Variants in OTUD7A observed in about 807,000 individuals in gnomAD.
OTUD7A encodes the protein OTU domain-containing protein 7A.
OTUD7A carries 12 observed loss-of-function variants against 65.7 expected under a neutral mutation model. That is an observed-to-expected ratio of 0.18 (90% CI 0.12 to 0.30). The LOEUF is 0.30. OTUD7A is among the 10% of genes least tolerant of loss of function. OTUD7A has a pLI of 1.00. For synonymous variants in OTUD7A, 641 were observed against 586.3 expected (o/e 1.09, Z -1.35); for missense variants, 1,148 against 1,304.8 (o/e 0.88, Z 1.85).
At chr15:31,761,828 A>C (rs141837924) in intron 1 of OTUD7A, among the ~76,000 whole-genome samples, 88 of 152,354 alleles carry the variant, frequency 5.8e-4, no homozygotes, top group Non-Finnish European at 1.2e-3. Flanking sequence ...ATCAGCAATG[A>C]AAAGGAAGGA....
intron 1 of OTUD7A, among the ~76,000 whole-genome samples, chr15:31,716,779 A>C (rs984280069): frequency 6.6e-6 from 1 of 151,028 alleles, no homozygotes; most frequent in Non-Finnish European, 1.5e-5. Flanking sequence ...GAATCTGTGC[A>C]TACGGACAAA....
intron 1 of OTUD7A, among the ~76,000 whole-genome samples, chr15:31,720,499 C>T (rs1353462558): frequency 6.6e-6 from 1 of 151,046 alleles, no homozygotes; most frequent in African/African-American, 2.4e-5. Flanking sequence ...CCCCGGGGTT[C>T]ACACCATTCT....
At chr15:31,697,529 A>C (rs1000286877) in intron 1 of OTUD7A, among the ~76,000 whole-genome samples, 17 of 146,526 alleles carry the variant, frequency 1.2e-4, no homozygotes, top group Non-Finnish European at 1.5e-5. Flanking sequence ...GGGCCACAGA[A>C]GACAAGGGTT....
intron 3 of OTUD7A, among the ~76,000 whole-genome samples, chr15:31,610,728 T>G (rs1315043531): frequency 6.9e-6 from 1 of 145,740 alleles, no homozygotes; most frequent in African/African-American, 2.6e-5. Context: ...TTCACGCCAT[T>G]CTCCTGCCTC....
chr15:31,586,142 A>G (rs1276478959), intron 3 of OTUD7A, among the ~76,000 whole-genome samples: 2 of 152,184 alleles, frequency 1.3e-5, no homozygotes, highest in Non-Finnish European at 2.9e-5. Flanking sequence ...GAGTGAATCC[A>G]TTTATCTGGT....
intron 1 of OTUD7A, among the ~76,000 whole-genome samples, chr15:31,720,743 A>G (rs1264178695): frequency 6.6e-6 from 1 of 151,366 alleles, no homozygotes; most frequent in African/African-American, 2.4e-5. Flanking sequence ...GCCTAAGGGC[A>G]CAGTGTTTCT....
chr15:31,489,665 A>G (rs2141068294), intron 10 of OTUD7A, among the ~76,000 whole-genome samples: 1 of 152,324 alleles, frequency 6.6e-6, no homozygotes, highest in Middle Eastern at 3.4e-3. Flanking sequence ...GCTGCCTGAC[A>G]ATTGAGAACA....
intron 1 of OTUD7A, among the ~76,000 whole-genome samples, chr15:31,702,827 A>C (rs1225283250): frequency 6.6e-6 from 1 of 151,208 alleles, no homozygotes; most frequent in Non-Finnish European, 1.5e-5. Flanking sequence ...AAGTGAGAAG[A>C]ATCAATCTAG....
chr15:31,570,246 G>T (rs761558091), intron 3 of OTUD7A, 49 bp from the exon 4 acceptor site: 3 of 1,573,160 alleles, frequency 1.9e-6, no homozygotes, highest in Non-Finnish European at 2.6e-6. Flanking sequence ...CATGAATAAC[G>T]GTCTCATCAT....
intron 1 of OTUD7A, among the ~76,000 whole-genome samples, chr15:31,768,716 T>C (rs1895153748): frequency 6.6e-6 from 1 of 151,684 alleles, no homozygotes; most frequent in South Asian, 2.1e-4. Flanking sequence ...ATGTAATACA[T>C]AAGACACCTA....
intron 3 of OTUD7A, among the ~76,000 whole-genome samples, chr15:31,654,820 C>T (rs1488881562): frequency 6.6e-6 from 1 of 152,148 alleles, no homozygotes; most frequent in Admixed American, 6.5e-5. Context: ...AAAACCCTGG[C>T]CTAGAGTATT....
At chr15:31,556,825 A>T (rs1423172007) in intron 5 of OTUD7A, 2 of 152,266 alleles carry the variant, frequency 1.3e-5, no homozygotes, top group Admixed American at 1.3e-4. Flanking sequence ...CCGCTTCTCT[A>T]TGAATAGTGA....
At chr15:31,544,451 T>G (rs1888073423) in intron 5 of OTUD7A, among the ~76,000 whole-genome samples, 1 of 151,558 alleles carries the variant, frequency 6.6e-6, no homozygotes, top group Non-Finnish European at 1.5e-5. Context: ...GAATATGTGA[T>G]AGAGAACTTA....
rs2041259230 is a variant in OTUD7A at position 31,487,754 on chromosome 15, A to G, written c.1172-188T>C. Among the ~76,000 whole-genome samples the G allele has an allele frequency of 1.3e-5, 2 of 152,218 alleles. No homozygotes were observed. Among genetic ancestry groups the G allele is most frequent in the Non-Finnish European group, 2.9e-5 (2 of 68,038 alleles). On this transcript the variant is annotated intron_variant, in intron 10 of 12. Transcript: ENST00000307050. The surrounding 1 kb of genome is among the most constrained non-coding windows in gnomAD (Gnocchi z 6.0). Reference sequence around the variant, plus strand: ...TTTTAAAATTTCGTATTTATTGCGGACAGTGGAGAGCAGTTGGAAGCGTCA... The same window carrying G: ...TTTTAAAATTTCGTATTTATTGCGGGCAGTGGAGAGCAGTTGGAAGCGTCA...
At chr15:31,716,775 G>A (rs1893598143) in intron 1 of OTUD7A, among the ~76,000 whole-genome samples, 1 of 150,944 alleles carries the variant, frequency 6.6e-6, no homozygotes, top group Non-Finnish European at 1.5e-5. Context: ...TGCAGAATCT[G>A]TGCATACGGA....
At chr15:31,751,768 A>G (rs557246031) in intron 1 of OTUD7A, among the ~76,000 whole-genome samples, 10 of 152,332 alleles carry the variant, frequency 6.6e-5, no homozygotes, top group South Asian at 6.2e-4. Context: ...TTCAAACAAC[A>G]TAAGTGGAGC....
At chr15:31,785,774 G>A (rs1895656459) in intron 1 of OTUD7A, among the ~76,000 whole-genome samples, 1 of 152,212 alleles carries the variant, frequency 6.6e-6, no homozygotes, top group African/African-American at 2.4e-5. Context: ...TTGGACAAGT[G>A]AGATAAACAT....
At chr15:31,788,541 G>T (rs531786830) in intron 1 of OTUD7A, among the ~76,000 whole-genome samples, 1 of 152,340 alleles carries the variant, frequency 6.6e-6, no homozygotes, top group East Asian at 1.9e-4. Context: ...ACTCTTCTGA[G>T]AAGCTATTTT....
chr15:31,610,833 G>A (rs915623617), intron 3 of OTUD7A, among the ~76,000 whole-genome samples: 10 of 150,788 alleles, frequency 6.6e-5, no homozygotes, highest in African/African-American at 2.4e-4. Context: ...GTTTCACCGT[G>A]TTAGCCAGGA....
Sources: gnomAD v4.1 joint callset for allele counts (sites outside exome capture counted in the v4.1 genomes callset) on GRCh38, gnomAD v4.1.1 for gene constraint, Gnocchi (gnomAD v3.1) non-coding constraint, MANE v1.5 for transcripts, NCBI Gene and HGNC (gene_info 2026-07-23, HGNC 2026-07-21) for gene names.